The following PWWP2A variants were observed in gnomAD, a reference collection of about 807,000 sequenced individuals.
PWWP2A encodes PWWP domain-containing protein 2A.
Under a neutral mutation model 48.5 loss-of-function variants are expected in PWWP2A, and 18 were observed. The ratio of observed to expected loss-of-function variants is 0.37; its 90% CI spans 0.26 to 0.55. PWWP2A has a LOEUF of 0.55. Ranked by LOEUF, PWWP2A falls within the 20% of genes least tolerant of loss-of-function variation. PWWP2A has a pLI of 0.81. For missense variants in PWWP2A, 867 were observed against 976.4 expected (o/e 0.89, Z 1.49); for synonymous variants, 396 against 387.7 (o/e 1.02, Z -0.25).
chr5:160,063,081 C>T (rs1481136207), intron 5 of PWWP2A, among the ~76,000 whole-genome samples: 5 of 152,206 alleles, frequency 3.3e-5, no homozygotes, highest in African/African-American at 1.2e-4. Flanking sequence ...GAACAGCCAT[C>T]CCAGGTTCTG....
At chr5:160,061,730 GA>G (rs1417634464), downstream of PWWP2A, 8 of 152,086 alleles carry the variant, frequency 5.3e-5, no homozygotes, top group Admixed American at 5.2e-4. Context: ...AGAGATACTG[GA>G]ATTGAAGGAA....
the PWWP2A span, among the ~76,000 whole-genome samples, chr5:160,055,652 C>G: frequency 6.6e-6 from 1 of 152,230 alleles, no homozygotes; most frequent in Non-Finnish European, 1.5e-5. Flanking sequence ...TTTAACCTCT[C>G]AAGTGTTTCT....
At chr5:160,097,705 T>TGGG (rs200445953) in intron 1 of PWWP2A, among the ~76,000 whole-genome samples, 2 of 86,306 alleles carry the variant, frequency 2.3e-5, no homozygotes, top group Non-Finnish European at 2.4e-5. Flanking sequence ...GGTTTTTTTT[T>TGGG]TGGGGGGGGG....
chr5:160,118,772 C>A (rs559833124), intron 1 of PWWP2A, 33 bp downstream of exon 1: 2 of 1,385,036 alleles, frequency 1.4e-6, no homozygotes, highest in African/African-American at 1.5e-5. Flanking sequence ...GGGGACCCAG[C>A]GGACCGGAGG....
rs1581135434 is a variant in PWWP2A, at chr5:160,064,999, C to G, written c.*237-1326G>C. The G allele has an allele frequency of 6.2e-6, 10 of 1,614,052 alleles. No homozygotes were observed. In the East Asian group the frequency reaches 2.0e-4, roughly 32 times the overall value. On this transcript the variant is annotated intron_variant and NMD_transcript_variant, in intron 4 of 5. Transcript: ENST00000524050. Reference sequence around the variant, plus strand: ...GGCTCTCCACGGAAAATTTCCAGATCAAACAGGATTCCTCTACCGGCTCGT... The same window carrying G: ...GGCTCTCCACGGAAAATTTCCAGATGAAACAGGATTCCTCTACCGGCTCGT...
At chr5:160,072,613 C>T (rs2113444879), downstream of PWWP2A, among the ~76,000 whole-genome samples, 1 of 152,234 alleles carries the variant, frequency 6.6e-6, no homozygotes, top group South Asian at 2.1e-4. Flanking sequence ...ACCTGTAGTC[C>T]CAGCTACTCA....
At chr5:160,114,241 A>G (rs1235376906) in intron 1 of PWWP2A, among the ~76,000 whole-genome samples, 1 of 152,192 alleles carries the variant, frequency 6.6e-6, no homozygotes, top group Non-Finnish European at 1.5e-5. Context: ...CTTGAGGCCA[A>G]GAGTTCAGAC....
the PWWP2A span, among the ~76,000 whole-genome samples, chr5:160,052,523 T>A: frequency 8.9e-6 from 1 of 112,812 alleles, no homozygotes; most frequent in African/African-American, 3.5e-5. Context: ...CACCTATTTT[T>A]ACTAACAATG....
rs1350929310 is a variant in PWWP2A, at chr5:160,118,889, T to C, written c.500A>G (p.Asp167Gly). ...GACAAGCGCGTCCTCAATGATGTGG[T>C]CCAGCGTGACCCGCACCTCCGAGCC... ...IPGSEVRVTL[D>G]HIIEDALVVS... is the part of the protein sequence containing the mutation. The change falls in exon 1 of 2, where the codon GAC becomes GGC. Residue 167 changes from aspartate to glycine, a missense_variant. Asp to Gly is a moderately conservative substitution (Grantham distance 94). Coordinates refer to ENST00000307063, the MANE Select transcript of PWWP2A (RefSeq NM_001130864.2). 4 of 1,601,082 alleles carry C rather than the reference T, an allele frequency of 2.5e-6. No homozygotes were observed. Among genetic ancestry groups the C allele is most frequent in the African/African-American group, 2.7e-5 (2 of 73,356 alleles).
intron 1 of PWWP2A, among the ~76,000 whole-genome samples, chr5:160,112,181 A>C (rs949610362): frequency 6.6e-6 from 1 of 151,942 alleles, no homozygotes; most frequent in Non-Finnish European, 1.5e-5. Context: ...AGAAAGAAAA[A>C]AAGAGCACAA....
intron 4 of PWWP2A, among the ~76,000 whole-genome samples, chr5:160,063,844 G>A (rs1313216934): frequency 4.6e-5 from 7 of 151,898 alleles, no homozygotes; most frequent in Non-Finnish European, 4.4e-5. Context: ...GTCTCACTGC[G>A]TTGCTCGGGC....
the PWWP2A span, among the ~76,000 whole-genome samples, chr5:160,054,026 G>A: frequency 3.9e-3 from 589 of 152,308 alleles, 3 homozygotes; most frequent in African/African-American, 0.014. Flanking sequence ...ATAGCATCAA[G>A]ACGATCACTT....
chr5:160,094,211 T>C, intron 1 of PWWP2A, 146 bp from the exon 2 acceptor site: 1 of 1,072,000 alleles, frequency 9.3e-7, no homozygotes, highest in Non-Finnish European at 1.3e-6. Context: ...AAAAATCTAC[T>C]ATCTCTTCCC....
At chr5:160,089,328 G>A (rs1754886783), downstream of PWWP2A, among the ~76,000 whole-genome samples, 1 of 152,080 alleles carries the variant, frequency 6.6e-6, no homozygotes, top group Non-Finnish European at 1.5e-5. Context: ...GGATACAGGC[G>A]AATAGCTGGG....
chr5:160,083,388 G>A (rs896351483), intron 2 of PWWP2A, among the ~76,000 whole-genome samples: 1 of 152,228 alleles, frequency 6.6e-6, no homozygotes, highest in African/African-American at 2.4e-5. Flanking sequence ...GCGTTGGAAT[G>A]TGTGGCATTT....
the PWWP2A span, among the ~76,000 whole-genome samples, chr5:160,055,396 A>G: frequency 9.9e-5 from 15 of 152,228 alleles, no homozygotes; most frequent in Non-Finnish European, 1.5e-5. Flanking sequence ...AGCCCTACCC[A>G]GGCAGCTTTA....
chr5:160,108,728 CAATT>C (rs1011832552), intron 1 of PWWP2A: 5 of 478,008 alleles, frequency 1.0e-5, no homozygotes, highest in African/African-American at 1.0e-4. Context: ...AGGAAATCAT[CAATT>C]ATTTTTAATC....
intron 1 of PWWP2A, among the ~76,000 whole-genome samples, chr5:160,099,926 A>G (rs1219029741): frequency 1.3e-5 from 2 of 151,538 alleles, no homozygotes. Context: ...TTGGCCTCCC[A>G]AAGTATTAGG....
Position 160,077,978 on chromosome 5 carries a change from C to G in PWWP2A, c.*177G>C. 2.0e-6 allele frequency: 1 copy of G among 512,204 alleles called. No individual in the cohort carries two copies. Among genetic ancestry groups the G allele is most frequent in the Non-Finnish European group, 3.5e-6 (1 of 283,830 alleles). 31.7% of individuals were successfully genotyped at this position (512,204 alleles called of 1,614,324 possible). On this transcript the variant is annotated 3_prime_UTR_variant, in exon 4 of 4. Transcript: ENST00000456329. This position sits in a 1 kb window ranked among gnomAD's most constrained non-coding sequence, Gnocchi z 4.2. ...TTTTTTATAAAATATTCCCTAATAC[C>G]TTTTCTTCGGTTTAAGACAGCACAA...
Sources: gnomAD v4.1 joint callset for allele counts (sites outside exome capture counted in the v4.1 genomes callset) on GRCh38, gnomAD v4.1.1 for gene constraint, Gnocchi (gnomAD v3.1) non-coding constraint, MANE v1.5 for transcripts, NCBI Gene and HGNC (gene_info 2026-07-23, HGNC 2026-07-21) for gene names.